Variants in ARHGEF28 observed in about 807,000 individuals in gnomAD.
The protein encoded by ARHGEF28 is 190 kDa guanine nucleotide exchange factor.
A neutral mutation model predicts 206.6 loss-of-function variants in ARHGEF28; 152 were observed. The observed-to-expected ratio is 0.74, with a 90% CI of 0.64 to 0.84. The LOEUF (loss-of-function observed/expected upper bound fraction) is 0.84. Among genes scored for constraint, ARHGEF28 ranks in the 40% least tolerant of loss-of-function variants. The pLI, the probability that ARHGEF28 is intolerant of heterozygous loss-of-function variation, is 0.00. For synonymous variants in ARHGEF28, 763 were observed against 776.4 expected, an observed-to-expected ratio of 0.98 and a Z score of 0.29; for missense variants, 2,028 against 2,073.2, an observed-to-expected ratio of 0.98 and a Z score of 0.42.
intron 35 of ARHGEF28, among the ~76,000 whole-genome samples, chr5:73,925,859 C>A (rs1357836422): frequency 6.6e-6 from 1 of 152,170 alleles, no homozygotes; most frequent in Non-Finnish European, 1.5e-5. Context: ...TGTTGATGGA[C>A]ATCTGGCTTA....
intron 35 of ARHGEF28, among the ~76,000 whole-genome samples, chr5:73,936,123 A>C (rs1764405794): frequency 6.6e-6 from 1 of 152,226 alleles, no homozygotes; most frequent in Non-Finnish European, 1.5e-5. Flanking sequence ...AATTCAGAAA[A>C]AGGCAAAGCC....
intron 21 of ARHGEF28, 73 bp downstream of exon 21, chr5:73,870,282 T>C: frequency 6.7e-7 from 1 of 1,485,336 alleles, no homozygotes; most frequent in Non-Finnish European, 9.0e-7. Flanking sequence ...TTTGCAACTG[T>C]GCAGAGTTGG....
intron 2 of ARHGEF28, among the ~76,000 whole-genome samples, chr5:73,713,050 C>G (rs6872133): frequency 1.3e-5 from 2 of 151,902 alleles, no homozygotes; most frequent in African/African-American, 4.8e-5. Flanking sequence ...GGTAAATTCA[C>G]CCACCCTAAG....
intron 11 of ARHGEF28, among the ~76,000 whole-genome samples, 184 bp from the exon 12 acceptor site, chr5:73,846,084 T>A (rs1350616215): frequency 2.0e-5 from 3 of 150,962 alleles, no homozygotes; most frequent in African/African-American, 7.3e-5. Context: ...TAACATAAAA[T>A]TTTGTTTAAA....
At chr5:73,923,352 G>A (rs1362369436) in intron 35 of ARHGEF28, among the ~76,000 whole-genome samples, 7 of 152,098 alleles carry the variant, frequency 4.6e-5, no homozygotes, top group African/African-American at 9.7e-5. Flanking sequence ...CTATGAGTCC[G>A]TTACCTTCAT....
At chr5:73,643,359 A>C (rs775882667) in intron 1 of ARHGEF28, among the ~76,000 whole-genome samples, 4 of 152,222 alleles carry the variant, frequency 2.6e-5, no homozygotes, top group Non-Finnish European at 4.4e-5. Flanking sequence ...ACTGAAATTC[A>C]ATTTCTAAAA....
chr5:73,829,684 C>A (rs1213485506), intron 9 of ARHGEF28, among the ~76,000 whole-genome samples: 1 of 152,010 alleles, frequency 6.6e-6, no homozygotes, highest in Non-Finnish European at 1.5e-5. Context: ...CTGGCCTTCC[C>A]TTCTACTTTT....
At chr5:73,904,434 TG>T in intron 33 of ARHGEF28, 29 bp downstream of exon 33, 4 of 1,579,414 alleles carry the variant, frequency 2.5e-6, no homozygotes, top group Non-Finnish European at 3.5e-6. Context: ...TCTTTGACCT[TG>T]TGAATGGTTC....
intron 34 of ARHGEF28, among the ~76,000 whole-genome samples, chr5:73,910,672 T>C (rs1762850623): frequency 6.6e-6 from 1 of 152,218 alleles, no homozygotes; most frequent in African/African-American, 2.4e-5. Flanking sequence ...GCAAGTATAG[T>C]ACTATTCTGT....
intron 35 of ARHGEF28, among the ~76,000 whole-genome samples, chr5:73,923,940 A>G (rs1763664310): frequency 6.6e-6 from 1 of 152,204 alleles, no homozygotes. Context: ...AAAATGCTTT[A>G]TCCAATTTAT....
chr5:73,792,642 CTTTTTTTTTT>C (rs397943639), intron 7 of ARHGEF28, among the ~76,000 whole-genome samples: 2 of 122,064 alleles, frequency 1.6e-5, no homozygotes, highest in African/African-American at 3.1e-5. Flanking sequence ...TCCTTCCCTT[CTTTTTTTTTT>C]TTTTTTTTTT....
intron 25 of ARHGEF28, among the ~76,000 whole-genome samples, chr5:73,886,512 A>G (rs575542894): frequency 6.6e-6 from 1 of 152,100 alleles, no homozygotes; most frequent in Non-Finnish European, 1.5e-5. Context: ...AATAAAAAGA[A>G]CTCTGAATGT....
chr5:73,730,327 G>A (rs116029167), intron 2 of ARHGEF28, among the ~76,000 whole-genome samples: 278 of 152,230 alleles, frequency 1.8e-3, no homozygotes, highest in African/African-American at 6.5e-3. Context: ...AGAGGTGCTC[G>A]CAAGGCTAGG....
chr5:73,885,939 G>T lies in ARHGEF28; in HGVS notation c.3145G>T (p.Glu1049Ter). Residue 1049 changes from glutamate (E) to a stop codon, truncating the protein, a stop_gained, in exon 25 of 36, where the codon GAG becomes TAG. Transcript: ENST00000513042. LOFTEE classifies it high-confidence loss of function. Reference protein sequence around the residue: ...ATVDLKVNEYEKNQKWLEILN... With the variant: ...ATVDLKVNEY ...AGTGGATTTAAAAGTCAATGAATAT[G>T]AGAAAAACCAAAAATGGCTTGAGAT... is the stretch of plus-strand genomic sequence containing the variant. 1 of 1,613,510 alleles carries T rather than the reference G, an allele frequency of 6.2e-7. No homozygotes were observed. The highest frequency in any genetic ancestry group is 1.7e-5 in the Admixed American group (1 of 59,950).
chr5:73,857,524 C>T, intron 14 of ARHGEF28, 132 bp from the exon 15 acceptor site: 1 of 917,070 alleles, frequency 1.1e-6, no homozygotes. Context: ...TTAGAACAGC[C>T]ACTAAAACCT....
chr5:73,864,138 A>G (rs1349649819), intron 16 of ARHGEF28, among the ~76,000 whole-genome samples: 1 of 152,170 alleles, frequency 6.6e-6, no homozygotes, highest in East Asian at 1.9e-4. Context: ...CTTGGCAGCA[A>G]CCAGTGCCCA....
At chr5:73,693,595 G>A (rs542481306) in intron 2 of ARHGEF28, among the ~76,000 whole-genome samples, 1 of 152,224 alleles carries the variant, frequency 6.6e-6, no homozygotes, top group Non-Finnish European at 1.5e-5. Flanking sequence ...ATGGAATCGG[G>A]CAGGGCTTTT....
chr5:73,686,666 C>T lies in ARHGEF28; in HGVS notation c.33+1782C>T, dbSNP rs139420244. 9.5e-3 allele frequency among the ~76,000 whole-genome samples: 1,439 copies of T among 151,694 alleles called. 22 individuals are homozygous for T. Among genetic ancestry groups the T allele is most frequent in the African/African-American group, 0.033 (1,346 of 41,370 alleles). On this transcript the variant is annotated intron_variant, in intron 2 of 35. Coordinates refer to ENST00000513042, the MANE Select transcript of ARHGEF28 (RefSeq NM_001177693.2). ...CCTGAGTAGCTGGGATTACAGACAC[C>T]GCCACCACGCCCGGCAAATTTTTTT... is the stretch of plus-strand genomic sequence containing the variant.
chr5:73,699,031 T>G (rs1748406791), intron 2 of ARHGEF28, among the ~76,000 whole-genome samples: 1 of 152,186 alleles, frequency 6.6e-6, no homozygotes, highest in South Asian at 2.1e-4. Context: ...GTGTTCTCCA[T>G]GTACTTATAC....
Sources: gnomAD v4.1 joint callset for allele counts (sites outside exome capture counted in the v4.1 genomes callset) on GRCh38, gnomAD v4.1.1 for gene constraint, MANE v1.5 for transcripts, NCBI Gene and HGNC (gene_info 2026-07-23, HGNC 2026-07-21) for gene names.